GRID2: variants seen among roughly 807,000 people sequenced by gnomAD.
GRID2 encodes the protein glutamate ionotropic receptor delta type subunit 2, also known as glutamate receptor ionotropic, delta-2.
Under a neutral mutation model 114.8 loss-of-function variants are expected in GRID2, and 33 were observed. The observed-to-expected ratio is 0.29, with a 90% CI of 0.22 to 0.38. The LOEUF (loss-of-function observed/expected upper bound fraction) is 0.38. Ranked by LOEUF, GRID2 falls within the 10% of genes least tolerant of loss-of-function variation. The pLI, the probability that GRID2 is intolerant of heterozygous loss-of-function variation, is 1.00. For missense variants in GRID2, 1,184 were observed against 1,257.7 expected, an observed-to-expected ratio of 0.94 and a Z score of 0.89; for synonymous variants, 505 against 449.9, an observed-to-expected ratio of 1.12 and a Z score of -1.55.
chr4:92,391,534 A>T (rs1730238733), intron 1 of GRID2, among the ~76,000 whole-genome samples: 1 of 152,156 alleles, frequency 6.6e-6, no homozygotes, highest in Non-Finnish European at 1.5e-5. Flanking sequence ...GAGATTGTAA[A>T]AAAAACCATT....
At chr4:93,210,196 C>T (rs1188575253) in intron 5 of GRID2, among the ~76,000 whole-genome samples, 1 of 151,642 alleles carries the variant, frequency 6.6e-6, no homozygotes, top group East Asian at 1.9e-4. Flanking sequence ...AGGTTGTTTT[C>T]CAGGGTTTTT....
intron 2 of GRID2, among the ~76,000 whole-genome samples, chr4:92,904,226 A>G (rs1747786852): frequency 6.6e-6 from 1 of 151,360 alleles, no homozygotes. Flanking sequence ...ATATCATTTT[A>G]ATGACTCCTG....
At chr4:92,307,103 G>T (rs1265548708) in intron 1 of GRID2, among the ~76,000 whole-genome samples, 1 of 152,116 alleles carries the variant, frequency 6.6e-6, no homozygotes, top group Non-Finnish European at 1.5e-5. Context: ...CAAAAGTATA[G>T]TAAATTCAAA....
chr4:92,645,296 A>G (rs1223041430), intron 2 of GRID2, among the ~76,000 whole-genome samples: 2 of 151,724 alleles, frequency 1.3e-5, no homozygotes, highest in African/African-American at 4.8e-5. Context: ...GTAGTTTTCT[A>G]CAGTATGTTT....
intron 1 of GRID2, among the ~76,000 whole-genome samples, chr4:92,429,262 C>T (rs1440843540): frequency 6.6e-6 from 1 of 152,126 alleles, no homozygotes; most frequent in African/African-American, 2.4e-5. Context: ...TCCAATATCC[C>T]AGCCTCTTGT....
chr4:93,155,920 GAAT>G (rs1390074947), intron 4 of GRID2, among the ~76,000 whole-genome samples: 1 of 151,680 alleles, frequency 6.6e-6, no homozygotes, highest in South Asian at 2.1e-4. Flanking sequence ...ACAACAGGGT[GAAT>G]ATGGCCAGCA....
chr4:93,216,667 C>T, intron 5 of GRID2, 71 bp from the exon 6 acceptor site: 1 of 968,138 alleles, frequency 1.0e-6, no homozygotes, highest in Non-Finnish European at 1.6e-6. Flanking sequence ...TTACAGATAA[C>T]AACTCATAAT....
chr4:92,434,180 A>T (rs1483724907), intron 1 of GRID2, among the ~76,000 whole-genome samples: 1 of 152,212 alleles, frequency 6.6e-6, no homozygotes, highest in East Asian at 1.9e-4. Context: ...TAATACAATT[A>T]TTCTCAGCAA....
intron 10 of GRID2, among the ~76,000 whole-genome samples, chr4:93,452,482 T>C (rs907735980): frequency 6.6e-6 from 1 of 152,086 alleles, no homozygotes; most frequent in Non-Finnish European, 1.5e-5. Context: ...AAAGAATCTT[T>C]TAATGGGAAA....
At chr4:92,871,589 C>T (rs1175817430) in intron 2 of GRID2, among the ~76,000 whole-genome samples, 1 of 152,170 alleles carries the variant, frequency 6.6e-6, no homozygotes, top group African/African-American at 2.4e-5. Flanking sequence ...AGAGTACTGA[C>T]ACTCATGAGT....
At chr4:92,637,592 C>G (rs1731134293) in intron 2 of GRID2, among the ~76,000 whole-genome samples, 2 of 151,954 alleles carry the variant, frequency 1.3e-5, no homozygotes. Flanking sequence ...TCAGTTGGAT[C>G]TCTTAAATCT....
intron 2 of GRID2, among the ~76,000 whole-genome samples, chr4:92,756,807 G>T (rs1737741494): frequency 6.6e-6 from 1 of 151,718 alleles, no homozygotes; most frequent in South Asian, 2.1e-4. Flanking sequence ...TTAATGTTTG[G>T]GGTTTTTTTA....
intron 2 of GRID2, among the ~76,000 whole-genome samples, chr4:92,891,266 A>G (rs904190453): frequency 2.6e-5 from 4 of 151,390 alleles, no homozygotes; most frequent in South Asian, 4.2e-4. Flanking sequence ...AAACTATAAG[A>G]AAAAAAAGCA....
chr4:93,107,580 C>T (rs1421220764), intron 3 of GRID2, among the ~76,000 whole-genome samples: 1 of 151,862 alleles, frequency 6.6e-6, no homozygotes, highest in East Asian at 1.9e-4. Context: ...ACTCTGTCAC[C>T]CATGTTGGAG....
intron 1 of GRID2, among the ~76,000 whole-genome samples, chr4:92,322,124 C>A (rs1323234954): frequency 6.6e-6 from 1 of 152,086 alleles, no homozygotes; most frequent in African/African-American, 2.4e-5. Flanking sequence ...TATCCCTGTT[C>A]CTGAAAGATT....
At chr4:92,788,698 C>G (rs542749494) in intron 2 of GRID2, among the ~76,000 whole-genome samples, 2 of 151,660 alleles carry the variant, frequency 1.3e-5, no homozygotes, top group African/African-American at 2.4e-5. Flanking sequence ...AGATTGAACA[C>G]TTTTTCATAT....
chr4:93,353,110 A>G (rs1226197148), intron 8 of GRID2, among the ~76,000 whole-genome samples: 1 of 152,088 alleles, frequency 6.6e-6, no homozygotes, highest in Non-Finnish European at 1.5e-5. Flanking sequence ...GGCTGAAGAC[A>G]TGACTCAGGC....
At chr4:93,388,392 G>T (rs1261150774) in intron 8 of GRID2, among the ~76,000 whole-genome samples, 1 of 152,122 alleles carries the variant, frequency 6.6e-6, no homozygotes, top group African/African-American at 2.4e-5. Context: ...TTGGCATGGG[G>T]TGTGGCTTTG....
intron 1 of GRID2, among the ~76,000 whole-genome samples, chr4:92,457,328 GAATT>G (rs975643599): frequency 6.6e-6 from 1 of 151,894 alleles, no homozygotes; most frequent in Non-Finnish European, 1.5e-5. Context: ...ATTTTCCATT[GAATT>G]ATTTATGTTT....
Sources: gnomAD v4.1 joint callset for allele counts (sites outside exome capture counted in the v4.1 genomes callset) on GRCh38, gnomAD v4.1.1 for gene constraint, MANE v1.5 for transcripts, NCBI Gene and HGNC (gene_info 2026-07-23, HGNC 2026-07-21) for gene names.